The following NKD1 variants were observed in gnomAD, a reference collection of about 807,000 sequenced individuals.
NKD1 encodes the protein protein naked cuticle homolog 1.
NKD1 carries 21 observed loss-of-function variants against 56.0 expected under a neutral mutation model. The observed-to-expected ratio is 0.38, with a 90% CI of 0.27 to 0.54. NKD1 has a LOEUF of 0.54. Ranked by LOEUF, NKD1 falls within the 20% of genes least tolerant of loss-of-function variation. NKD1 has a pLI of 0.82. For missense variants in NKD1, 578 were observed against 642.7 expected (o/e 0.90, Z 1.09); for synonymous variants, 263 against 265.7 (o/e 0.99, Z 0.10).
At position 50,638,931 on chromosome 16, in the gene NKD1, A is replaced by C. The variant is rs1240340330; in HGVS notation, c.*5150A>C. ...AGAAGAATCCTGGTACATTTAGCCC[A>C]TGAGCCTGGCACAGATCCCTATCTA... On this transcript the variant is annotated 3_prime_UTR_variant, in exon 10 of 10. Coordinates refer to ENST00000268459, the MANE Select transcript of NKD1 (RefSeq NM_033119.5). 1 of 152,222 alleles carries C rather than the reference A, an allele frequency of 6.6e-6. No homozygotes were observed. The highest frequency in any genetic ancestry group is 1.5e-5 in the Non-Finnish European group (1 of 68,058). The allele number at this position is 152,222 out of a possible 1,614,324, so 9.4% of individuals were successfully genotyped here. A position where few individuals can be genotyped will look rare whatever the true frequency, so the allele number is the denominator to read the frequency against.
chr16:50,585,793 G>GT (rs1961216095), intron 3 of NKD1, among the ~76,000 whole-genome samples: 1 of 152,182 alleles, frequency 6.6e-6, no homozygotes, highest in Non-Finnish European at 1.5e-5. Context: ...GGGAAGGACC[G>GT]TGATAACAGC....
intron 3 of NKD1, chr16:50,557,532 G>C (rs1396871887): frequency 6.6e-6 from 1 of 152,150 alleles, no homozygotes; most frequent in African/African-American, 2.4e-5. Context: ...TCAACTCCTG[G>C]CTTTCTGAGC....
chr16:50,588,098 C>T (rs545492637), intron 3 of NKD1, among the ~76,000 whole-genome samples: 5 of 152,316 alleles, frequency 3.3e-5, no homozygotes, highest in South Asian at 2.1e-4. Flanking sequence ...GCAAATGAAA[C>T]GGGAATGGCT....
At chr16:50,559,758 C>T (rs1332312198) in intron 3 of NKD1, among the ~76,000 whole-genome samples, 1 of 152,018 alleles carries the variant, frequency 6.6e-6, no homozygotes. Context: ...TAGTGTCACC[C>T]TGGAGCGGAT....
Position 50,632,508 on chromosome 16 carries a change from C to A in NKD1, c.823+100C>A. The A allele has an allele frequency of 1.7e-6, 2 of 1,179,250 alleles. No individual in the cohort carries two copies. Among genetic ancestry groups the A allele is most frequent in the Non-Finnish European group, 2.5e-6 (2 of 808,662 alleles). 73.0% of individuals were successfully genotyped at this position (1,179,250 alleles called of 1,614,324 possible). A position where few individuals can be genotyped will look rare whatever the true frequency, so the allele number is the denominator to read the frequency against. ...TGGTGTTCACTGCTACCCCAGGCTTCGGTAAGACAACTATTATGGGACAGG... is the reference window on the plus strand; with the variant it reads ...TGGTGTTCACTGCTACCCCAGGCTTAGGTAAGACAACTATTATGGGACAGG... On this transcript the variant is annotated intron_variant, in intron 9 of 9. Coordinates refer to ENST00000268459, the MANE Select transcript of NKD1 (RefSeq NM_033119.5). The surrounding 1 kb of genome is among the most constrained non-coding windows in gnomAD (Gnocchi z 4.1).
rs1252679897 is a variant in NKD1, at chr16:50,640,542, C to T, written c.*6761C>T. 6.6e-6 allele frequency: 1 copy of T among 152,186 alleles called. No individual in the cohort carries two copies. The highest frequency in any genetic ancestry group is 2.4e-5 in the African/African-American group (1 of 41,432). 9.4% of individuals were successfully genotyped at this position (152,186 alleles called of 1,614,324 possible). A position where few individuals can be genotyped will look rare whatever the true frequency, so the allele number is the denominator to read the frequency against. On this transcript the variant is annotated 3_prime_UTR_variant, in exon 10 of 10. Coordinates refer to ENST00000268459, the MANE Select transcript of NKD1 (RefSeq NM_033119.5). ...CTGCAGGCAGGGACTTCTTAGATAG[C>T]TGCTTCCTTAGGGCATGGCATGTAG...
intron 3 of NKD1, chr16:50,571,647 A>T (rs1479325692): frequency 2.4e-5 from 10 of 423,370 alleles, no homozygotes; most frequent in Non-Finnish European, 3.2e-5. Flanking sequence ...CCAGATGGAC[A>T]CCTTTCGTCA....
intron 4 of NKD1, among the ~76,000 whole-genome samples, chr16:50,614,278 A>G (rs995381723): frequency 2.6e-5 from 4 of 152,210 alleles, no homozygotes; most frequent in Admixed American, 1.3e-4. Context: ...CTTTTGGCTC[A>G]TGAAATTGAA....
chr16:50,604,671 G>C (rs536488016), intron 3 of NKD1, among the ~76,000 whole-genome samples: 39 of 152,356 alleles, frequency 2.6e-4, no homozygotes, highest in African/African-American at 9.4e-4. Context: ...GTGTGAAGCA[G>C]AGCTGGGATT....
At position 50,637,695 on chromosome 16, in the gene NKD1, T is replaced by C. The variant is rs1191625875; in HGVS notation, c.*3914T>C. 6.6e-6 allele frequency: 1 copy of C among 152,180 alleles called. No homozygotes were observed. The allele number at this position is 152,180 out of a possible 1,614,324, so 9.4% of individuals were successfully genotyped here. A position where few individuals can be genotyped will look rare whatever the true frequency, so the allele number is the denominator to read the frequency against. On this transcript the variant is annotated 3_prime_UTR_variant, in exon 10 of 10. Coordinates refer to ENST00000268459, the MANE Select transcript of NKD1 (RefSeq NM_033119.5). ...GGAAACCATGATTGCTGGTGAGGTTTTGAGCACATTTTCCTGCAGGCTGGT... is the reference window on the plus strand; with the variant it reads ...GGAAACCATGATTGCTGGTGAGGTTCTGAGCACATTTTCCTGCAGGCTGGT...
At chr16:50,594,743 A>G (rs1961438280) in intron 3 of NKD1, among the ~76,000 whole-genome samples, 1 of 151,690 alleles carries the variant, frequency 6.6e-6, no homozygotes. Context: ...GCCCTAGGGC[A>G]GGCCTCTGAA....
intron 3 of NKD1, chr16:50,607,431 G>T (rs917753167): frequency 4.9e-5 from 8 of 164,572 alleles, no homozygotes; most frequent in Non-Finnish European, 8.0e-5. Context: ...AGAAGTTGGT[G>T]ACAGCTGCTG....
At chr16:50,562,981 C>T (rs1370506499) in intron 3 of NKD1, among the ~76,000 whole-genome samples, 8 of 105,394 alleles carry the variant, frequency 7.6e-5, no homozygotes, top group African/African-American at 3.4e-4. Flanking sequence ...CTAGGTCCCA[C>T]CACCACCCCC....
chr16:50,633,878 ATTG>A lies in NKD1; in HGVS notation c.*100_*102del, dbSNP rs1342287257. The A allele has an allele frequency of 1.3e-5, 8 of 600,668 alleles. No individual in the cohort carries two copies. Among genetic ancestry groups the A allele is most frequent in the East Asian group, 3.1e-5 (1 of 32,018 alleles). 37.2% of individuals were successfully genotyped at this position (600,668 alleles called of 1,614,324 possible). On this transcript the variant is annotated 3_prime_UTR_variant, in exon 10 of 10. Transcript: ENST00000268459. This position sits in a 1 kb window ranked among gnomAD's most constrained non-coding sequence, Gnocchi z 4.9. ...ATTAATTATTGTTATTATGATGATT[ATTG>A]TTATTAATAATTATTGTTACTCCAC...
intron 3 of NKD1, among the ~76,000 whole-genome samples, chr16:50,582,852 C>T (rs1036896622): frequency 1.3e-5 from 2 of 152,164 alleles, no homozygotes; most frequent in African/African-American, 4.8e-5. Flanking sequence ...ACTAAAAATA[C>T]AAAACTTAGC....
rs1007732180 is a variant in NKD1 at position 50,645,001 on chromosome 16, G to A, written c.*11220G>A. The A allele has an allele frequency of 2.6e-5, 4 of 152,312 alleles. No individual in the cohort carries two copies. The highest frequency in any genetic ancestry group is 9.6e-5 in the African/African-American group (4 of 41,472). 9.4% of individuals were successfully genotyped at this position (152,312 alleles called of 1,614,324 possible). ...TGAGCTTCTGGGCAAGACGTGGGCA[G>A]AGCAAAGAGAGACCCACACTTGGCA... On this transcript the variant is annotated 3_prime_UTR_variant, in exon 10 of 10. Coordinates refer to ENST00000268459, the MANE Select transcript of NKD1 (RefSeq NM_033119.5).
Position 50,646,465 on chromosome 16 carries a change from AT to A in NKD1, c.*12686del, listed in dbSNP as rs1471078085. The A allele has an allele frequency of 2.0e-4, 31 of 152,216 alleles. No homozygotes were observed. The highest frequency in any genetic ancestry group is 2.0e-3 in the Admixed American group (31 of 15,278). The allele number at this position is 152,216 out of a possible 1,614,324, so 9.4% of individuals were successfully genotyped here. ...GAAATTGATTTTTATGAAAGAAGAA[AT>A]TGATGGGAGACATGGCGTGGGGAGG... On this transcript the variant is annotated 3_prime_UTR_variant, in exon 10 of 10. Transcript: ENST00000268459.
At chr16:50,631,046 A>T (rs1962333875) in intron 8 of NKD1, 136 bp downstream of exon 8, 1 of 586,566 alleles carries the variant, frequency 1.7e-6, no homozygotes, top group African/African-American at 1.9e-5. Context: ...CAGACTCATA[A>T]ATCAAATGAA....
At chr16:50,554,561 G>A (rs1339311043) in intron 3 of NKD1, among the ~76,000 whole-genome samples, 5 of 152,058 alleles carry the variant, frequency 3.3e-5, no homozygotes, top group Admixed American at 2.0e-4. Flanking sequence ...GGAGTGGAAG[G>A]GTGGAACCAG....
Sources: gnomAD v4.1 joint callset for allele counts (sites outside exome capture counted in the v4.1 genomes callset) on GRCh38, gnomAD v4.1.1 for gene constraint, Gnocchi (gnomAD v3.1) non-coding constraint, MANE v1.5 for transcripts, NCBI Gene and HGNC (gene_info 2026-07-23, HGNC 2026-07-21) for gene names.